Variants in CHSY3 observed in about 807,000 individuals in gnomAD.
The protein encoded by CHSY3 is N-acetylgalactosaminyl-proteoglycan 3-beta-glucuronosyltransferase 3.
Under a neutral mutation model 67.2 loss-of-function variants are expected in CHSY3, and 35 were observed. That is an observed-to-expected ratio of 0.52 (90% CI 0.40 to 0.69). The LOEUF is 0.69. CHSY3 is among the 30% of genes least tolerant of loss of function. The pLI is 0.00. For synonymous variants in CHSY3, 474 were observed against 434.7 expected (o/e 1.09, Z -1.12); for missense variants, 1,069 against 1,138.5 (o/e 0.94, Z 0.88).
At chr5:130,142,352 A>G (rs1768893524) in intron 2 of CHSY3, among the ~76,000 whole-genome samples, 1 of 152,186 alleles carries the variant, frequency 6.6e-6, no homozygotes, top group African/African-American at 2.4e-5. Context: ...CAATTGGTGG[A>G]ACATTTATTC....
chr5:130,096,147 A>G (rs1328089736), intron 2 of CHSY3, among the ~76,000 whole-genome samples: 1 of 152,164 alleles, frequency 6.6e-6, no homozygotes, highest in Non-Finnish European at 1.5e-5. Context: ...AAAAAACTGC[A>G]TAACTAGAAA....
chr5:129,960,133 A>C (rs989529990), intron 2 of CHSY3, among the ~76,000 whole-genome samples: 1 of 152,042 alleles, frequency 6.6e-6, no homozygotes, highest in Non-Finnish European at 1.5e-5. Context: ...CACTTAGCAC[A>C]TCTTCCTATC....
intron 2 of CHSY3, among the ~76,000 whole-genome samples, chr5:129,943,625 A>G (rs1761761372): frequency 6.6e-6 from 1 of 152,146 alleles, no homozygotes; most frequent in Non-Finnish European, 1.5e-5. Flanking sequence ...TTCCCTTTAA[A>G]CGTATTTCGT....
intron 2 of CHSY3, among the ~76,000 whole-genome samples, chr5:129,988,993 A>G (rs1425247865): frequency 6.6e-6 from 1 of 152,188 alleles, no homozygotes; most frequent in East Asian, 1.9e-4. Context: ...GTATTCCAGT[A>G]AGGGATGCCT....
intron 2 of CHSY3, among the ~76,000 whole-genome samples, chr5:129,964,570 C>T (rs555134681): frequency 1.1e-4 from 17 of 151,920 alleles, no homozygotes; most frequent in African/African-American, 4.1e-4. Flanking sequence ...TTGGGATTCC[C>T]AGCTGGAAAA....
At chr5:129,960,702 G>C (rs1171644319) in intron 2 of CHSY3, among the ~76,000 whole-genome samples, 1 of 151,810 alleles carries the variant, frequency 6.6e-6, no homozygotes, top group East Asian at 1.9e-4. Flanking sequence ...GAAATCATTT[G>C]TTTTATGTAT....
chr5:130,170,097 T>A (rs1403102462), intron 2 of CHSY3, among the ~76,000 whole-genome samples: 11 of 152,122 alleles, frequency 7.2e-5, no homozygotes, highest in Non-Finnish European at 5.9e-5. Context: ...TAGTGAATAC[T>A]GTATCCGAAA....
intron 2 of CHSY3, among the ~76,000 whole-genome samples, chr5:130,153,823 TTTTG>T (rs907390525): frequency 2.2e-4 from 33 of 152,336 alleles, no homozygotes; most frequent in African/African-American, 7.5e-4. Flanking sequence ...TTTTTCGTTT[TTTTG>T]TTTGTTTTAT....
At chr5:130,091,691 G>A (rs114119089) in intron 2 of CHSY3, among the ~76,000 whole-genome samples, 22 of 152,240 alleles carry the variant, frequency 1.4e-4, no homozygotes, top group African/African-American at 5.1e-4. Context: ...TGAAACAGCA[G>A]GCATGACATA....
In CHSY3 at chr5:130,058,941, T is replaced by A. The variant is rs984931616; in HGVS notation, c.1087-125288T>A. Among the ~76,000 whole-genome samples, 3 of 152,226 alleles carry A rather than the reference T, an allele frequency of 2.0e-5. No homozygotes were observed. The East Asian group carries it at 5.8e-4, about 29-fold the overall frequency. ...TCTTCAAGTGGCCTTCTTCTCTGTG[T>A]GTTTTTTATGAGACACTTGTCTTTG... On this transcript the variant is annotated intron_variant, in intron 2 of 2. Transcript: ENST00000305031.
intron 2 of CHSY3, among the ~76,000 whole-genome samples, chr5:130,150,696 A>G (rs1000958705): frequency 1.8e-4 from 28 of 152,310 alleles, no homozygotes; most frequent in Admixed American, 1.2e-3. Context: ...AACTTACAGG[A>G]TGAATTACTA....
Position 130,037,754 on chromosome 5 carries a change from A to C in CHSY3, c.1086+129394A>C, listed in dbSNP as rs535358463. On this transcript the variant is annotated intron_variant, in intron 2 of 2. Coordinates refer to ENST00000305031, the MANE Select transcript of CHSY3 (RefSeq NM_175856.5). ...GAAAGGAAAGGGCAATATTCCTCAA[A>C]GTGCCTAGTACAGGGCAGCAGCTAA... Among the ~76,000 whole-genome samples, 209 of 152,196 alleles carry C rather than the reference A, an allele frequency of 1.4e-3. 2 individuals carry two copies. Among genetic ancestry groups the C allele is most frequent in the African/African-American group, 4.7e-3 (196 of 41,550 alleles).
At chr5:130,106,530 C>A (rs1361613014) in intron 2 of CHSY3, among the ~76,000 whole-genome samples, 1 of 151,434 alleles carries the variant, frequency 6.6e-6, no homozygotes, top group East Asian at 1.9e-4. Flanking sequence ...AGACAATAAA[C>A]CCATAAAGAA....
chr5:129,904,867 C>T lies in CHSY3; in HGVS notation c.38C>T (p.Ala13Val), dbSNP rs1760177879. Residue 13 changes from alanine (A) to valine (V), a missense_variant, in exon 1 of 3, where the codon GCA (alanine) becomes GTA (valine). This residue lies in a region of CHSY3 where 309 missense variants were observed against 262.5 expected (regional missense o/e 1.18). Coordinates refer to ENST00000305031, the MANE Select transcript of CHSY3 (RefSeq NM_175856.5). ...TCTCGCCGCCCGTGGATGAGCGTGGCATTAGGGCTGGTGCTGGGCTTCACC... is the reference window on the plus strand; with the variant it reads ...TCTCGCCGCCCGTGGATGAGCGTGGTATTAGGGCTGGTGCTGGGCTTCACC... Reference protein sequence around the residue: ...VRSRRPWMSVALGLVLGFTAA... With the variant: ...VRSRRPWMSVVLGLVLGFTAA... The T allele has an allele frequency of 2.0e-6, 3 of 1,495,308 alleles. No homozygotes were observed. Among genetic ancestry groups the T allele is most frequent in the Middle Eastern group, 2.2e-4 (1 of 4,594 alleles). 92.6% of individuals were successfully genotyped at this position (1,495,308 alleles called of 1,614,324 possible).
chr5:130,014,323 T>A (rs141664311), intron 2 of CHSY3, among the ~76,000 whole-genome samples: 192 of 152,318 alleles, frequency 1.3e-3, no homozygotes, highest in African/African-American at 4.5e-3. Context: ...CAATTTACTG[T>A]ATTAGTCCAT....
chr5:129,994,637 G>A (rs1763475915), intron 2 of CHSY3, among the ~76,000 whole-genome samples: 1 of 151,992 alleles, frequency 6.6e-6, no homozygotes, highest in South Asian at 2.1e-4. Context: ...GCAAAGACTT[G>A]GAACCAACCC....
intron 2 of CHSY3, among the ~76,000 whole-genome samples, chr5:129,989,297 T>C (rs1342529979): frequency 1.3e-4 from 20 of 150,868 alleles, no homozygotes; most frequent in Admixed American, 1.3e-3. Context: ...GTTTCGCTCT[T>C]GTTGCCCAGG....
intron 2 of CHSY3, among the ~76,000 whole-genome samples, chr5:129,960,966 A>T (rs1762312789): frequency 6.6e-6 from 1 of 152,118 alleles, no homozygotes. Flanking sequence ...GGATATGATC[A>T]AACCAGTAGA....
intron 2 of CHSY3, among the ~76,000 whole-genome samples, chr5:130,164,886 A>G (rs926877855): frequency 6.6e-6 from 1 of 152,188 alleles, no homozygotes; most frequent in Non-Finnish European, 1.5e-5. Context: ...GAAAGTGTCC[A>G]TGAGGTAGCT....
Sources: gnomAD v4.1 joint callset for allele counts (sites outside exome capture counted in the v4.1 genomes callset) on GRCh38, gnomAD v4.1.1 for gene constraint, gnomAD v4.1.1 regional missense constraint, MANE v1.5 for transcripts, NCBI Gene and HGNC (gene_info 2026-07-23, HGNC 2026-07-21) for gene names.